Variants in PTPRN2 observed in about 807,000 individuals in gnomAD.
PTPRN2 encodes the protein receptor-type tyrosine-protein phosphatase N2.
Under a neutral mutation model 118.8 loss-of-function variants are expected in PTPRN2, and 74 were observed. The ratio of observed to expected loss-of-function variants is 0.62; its 90% confidence interval spans 0.52 to 0.76. PTPRN2 has a LOEUF of 0.76. Ranked by LOEUF, PTPRN2 falls within the 30% of genes least tolerant of loss-of-function variation. PTPRN2 has a pLI of 0.00. For missense variants in PTPRN2, 1,481 were observed against 1,394.4 expected, an observed-to-expected ratio of 1.06 and a Z score of -0.99; for synonymous variants, 641 against 608.0, an observed-to-expected ratio of 1.05 and a Z score of -0.80.
intron 12 of PTPRN2, among the ~76,000 whole-genome samples, chr7:157,873,853 A>G (rs898386010): frequency 6.6e-6 from 1 of 152,086 alleles, no homozygotes; most frequent in African/African-American, 2.4e-5. Context: ...GGAGGTGGAA[A>G]GCGGAGGAGG....
At chr7:158,445,918 C>A (rs1374708109) in intron 2 of PTPRN2, among the ~76,000 whole-genome samples, 1 of 152,236 alleles carries the variant, frequency 6.6e-6, no homozygotes, top group African/African-American at 2.4e-5. Flanking sequence ...GAAGGTAAAC[C>A]CCGGCGCCCA....
chr7:157,798,123 G>A (rs1804989486), intron 12 of PTPRN2, among the ~76,000 whole-genome samples: 2 of 152,214 alleles, frequency 1.3e-5, no homozygotes, highest in Admixed American at 1.3e-4. Context: ...GCTGGGTGTG[G>A]TGGCGCACGC....
intron 11 of PTPRN2, among the ~76,000 whole-genome samples, chr7:157,949,528 A>G (rs1800683504): frequency 6.6e-6 from 1 of 152,234 alleles, no homozygotes; most frequent in Non-Finnish European, 1.5e-5. Context: ...CTAAGCATGG[A>G]GTTGAACATC....
intron 2 of PTPRN2, among the ~76,000 whole-genome samples, chr7:158,328,800 C>T (rs991980882): frequency 6.7e-6 from 1 of 148,740 alleles, no homozygotes. Context: ...CATTCCCCCC[C>T]CCCCGCCACC....
intron 11 of PTPRN2, among the ~76,000 whole-genome samples, chr7:157,900,370 G>A (rs972726618): frequency 1.3e-5 from 2 of 152,236 alleles, no homozygotes. Context: ...GACTGTGGTT[G>A]CCAAGAGGTT....
chr7:157,886,745 G>T (rs1357790356), intron 12 of PTPRN2, among the ~76,000 whole-genome samples: 9 of 78,736 alleles, frequency 1.1e-4, no homozygotes, highest in African/African-American at 3.9e-4. Context: ...CAGGCTGATG[G>T]GGTGCAGCTG....
chr7:157,648,667 C>T (rs1307243113), intron 14 of PTPRN2, among the ~76,000 whole-genome samples: 6 of 140,342 alleles, frequency 4.3e-5, no homozygotes, highest in African/African-American at 1.3e-4. Context: ...CTCGGTGGGT[C>T]AGACCCTTTC....
rs1796419048 is a variant in PTPRN2 at position 157,671,586 on chromosome 7, A to G, written c.2001+11139T>C. 6.6e-6 allele frequency among the ~76,000 whole-genome samples: 1 copy of G among 152,160 alleles called. No homozygotes were observed. Among genetic ancestry groups the G allele is most frequent in the Non-Finnish European group, 1.5e-5 (1 of 68,032 alleles). On this transcript the variant is annotated intron_variant, in intron 13 of 22. Coordinates refer to ENST00000389418, the MANE Select transcript of PTPRN2 (RefSeq NM_002847.5). This position sits in a 1 kb window ranked among gnomAD's most constrained non-coding sequence, Gnocchi z 4.1. The stretch of plus-strand genomic sequence containing the variant: ...GCTCAGAAGCAGAGGAGCCCAGCCC[A>G]GGGACACAAAAGGTATTCACATCCT...
At chr7:157,873,903 G>A (rs745595604) in intron 12 of PTPRN2, among the ~76,000 whole-genome samples, 1 of 152,106 alleles carries the variant, frequency 6.6e-6, no homozygotes, top group Admixed American at 6.5e-5. Context: ...GGGCTTCAGG[G>A]CACGGCAGGA....
chr7:158,328,408 T>C (rs1461709932), intron 2 of PTPRN2, among the ~76,000 whole-genome samples: 1 of 152,224 alleles, frequency 6.6e-6, no homozygotes, highest in Non-Finnish European at 1.5e-5. Flanking sequence ...GGAAATTCCT[T>C]TATTTTCAAG....
chr7:158,270,799 CACCCCCTCACCT>C lies in PTPRN2; in HGVS notation c.277+46008_277+46019del, dbSNP rs1798314885. Among the ~76,000 whole-genome samples, 58 of 41,880 alleles carry C rather than the reference CACCCCCTCACCT, an allele frequency of 1.4e-3. 3 individuals carry two copies. The highest frequency in any genetic ancestry group is 6.4e-3 in the East Asian group (8 of 1,248). The allele number at this position is 41,880 out of a possible 152,430, so 27.5% of individuals were successfully genotyped here. ...ACCTGGACCACCCCTCCACCTGGAC[CACCCCCTCACCT>C]GGACCGCCCCCTCCACCTGGATGAC... On this transcript the variant is annotated intron_variant, in intron 3 of 22. Transcript: ENST00000389418.
At position 157,690,666 on chromosome 7, in the gene PTPRN2, G is replaced by A. The variant is rs1045009313; in HGVS notation, c.1789-7729C>T. Among the ~76,000 whole-genome samples, 2 of 151,704 alleles carry A rather than the reference G, an allele frequency of 1.3e-5. No homozygotes were observed. Among genetic ancestry groups the A allele is most frequent in the South Asian group, 2.1e-4 (1 of 4,834 alleles). ...AGCGGCAGCGCCATCATCACAGCCAGCTGCTTCCCTGCGCTGGAGCCACAG... is the reference window on the plus strand; with the variant it reads ...AGCGGCAGCGCCATCATCACAGCCAACTGCTTCCCTGCGCTGGAGCCACAG... On this transcript the variant is annotated intron_variant, in intron 12 of 22. Transcript: ENST00000389418. This position sits in a 1 kb window ranked among gnomAD's most constrained non-coding sequence, Gnocchi z 7.1.
chr7:158,127,814 C>T (rs1324339979), intron 9 of PTPRN2, among the ~76,000 whole-genome samples: 1 of 152,192 alleles, frequency 6.6e-6, no homozygotes, highest in African/African-American at 2.4e-5. Flanking sequence ...GGTGTCCGTC[C>T]TGTGATTCCT....
At chr7:158,577,638 T>A (rs1828412308) in intron 1 of PTPRN2, among the ~76,000 whole-genome samples, 1 of 152,252 alleles carries the variant, frequency 6.6e-6, no homozygotes, top group Non-Finnish European at 1.5e-5. Flanking sequence ...AAGTGAGCAC[T>A]CACCTTGTCT....
chr7:158,282,725 C>G (rs997196845), intron 3 of PTPRN2, among the ~76,000 whole-genome samples: 2 of 151,932 alleles, frequency 1.3e-5, no homozygotes, highest in South Asian at 4.2e-4. Flanking sequence ...TCCTCGTGCT[C>G]CCACATGCAG....
chr7:157,699,947 G>T, intron 12 of PTPRN2, among the ~76,000 whole-genome samples: 1 of 152,182 alleles, frequency 6.6e-6, no homozygotes, highest in East Asian at 1.9e-4. Context: ...GGTGCTGTCA[G>T]GTACTGAGAC....
At chr7:158,253,869 A>C (rs1796849438) in intron 3 of PTPRN2, among the ~76,000 whole-genome samples, 1 of 151,152 alleles carries the variant, frequency 6.6e-6, no homozygotes, top group African/African-American at 2.4e-5. Context: ...GCATCCCTGT[A>C]ACTGCACGGC....
At chr7:158,497,354 C>T (rs1220700100) in intron 1 of PTPRN2, among the ~76,000 whole-genome samples, 1 of 150,080 alleles carries the variant, frequency 6.7e-6, no homozygotes, top group Admixed American at 6.6e-5. Context: ...TCCCCTTCAC[C>T]TGCCGATCCA....
chr7:157,812,406 G>A (rs369665283), intron 12 of PTPRN2, among the ~76,000 whole-genome samples: 58 of 152,284 alleles, frequency 3.8e-4, no homozygotes, highest in Non-Finnish European at 7.5e-4. Flanking sequence ...TGAGGGAGGA[G>A]GGTGGGAAGA....
Sources: allele counts gnomAD v4.1 joint callset (sites outside exome capture counted in the v4.1 genomes callset), GRCh38; gene constraint gnomAD v4.1.1; non-coding constraint Gnocchi (gnomAD v3.1); transcripts MANE v1.5; gene names NCBI Gene and HGNC (gene_info 2026-07-23, HGNC 2026-07-21).